The following SINHCAF variants were observed in gnomAD, a reference collection of about 807,000 sequenced individuals.
SINHCAF encodes the protein SIN3-HDAC complex-associated factor.
SINHCAF carries 3 observed loss-of-function variants against 25.8 expected under a neutral mutation model. The ratio of observed to expected loss-of-function variants is 0.12; its 90% confidence interval spans 0.05 to 0.30. The LOEUF is 0.30. SINHCAF is among the 10% of genes least tolerant of loss of function. The probability of loss-of-function intolerance (pLI) is 1.00; values close to 1 mark genes in which losing one functional copy is unlikely to be tolerated. For missense variants in SINHCAF, 121 were observed against 262.3 expected, an observed-to-expected ratio of 0.46 and a Z score of 3.72; for synonymous variants, 70 against 85.5, an observed-to-expected ratio of 0.82 and a Z score of 1.00.
chr12:31,314,194 A>G (rs1172655358), intron 1 of SINHCAF, among the ~76,000 whole-genome samples: 1 of 152,062 alleles, frequency 6.6e-6, no homozygotes, highest in Non-Finnish European at 1.5e-5. Context: ...AGATGGCAGA[A>G]GAAGAAAAAT....
Position 31,324,976 on chromosome 12 carries a change from G to T in SINHCAF, c.-21+1048C>A. 1 of 456,626 alleles carries T rather than the reference G, an allele frequency of 2.2e-6. No homozygotes were observed. The highest frequency in any genetic ancestry group is 4.4e-6 in the Non-Finnish European group (1 of 226,878). The allele number at this position is 456,626 out of a possible 1,614,324, so 28.3% of individuals were successfully genotyped here. On this transcript the variant is annotated intron_variant, in intron 1 of 5. Transcript: ENST00000337682. This position sits in a 1 kb window ranked among gnomAD's most constrained non-coding sequence, Gnocchi z 5.5. ...CGGCCGGACCTGCCCGACGGCGGCC[G>T]CATCCCACGGCTCACGCGGGGCTGG...
intron 4 of SINHCAF, among the ~76,000 whole-genome samples, chr12:31,293,391 T>A (rs1224319797): frequency 6.6e-6 from 1 of 152,220 alleles, no homozygotes; most frequent in Non-Finnish European, 1.5e-5. Flanking sequence ...TTTCAATATG[T>A]GCGTTATGAT....
rs929972610 is a variant in SINHCAF, at chr12:31,324,135, C to T, written c.-21+1889G>A. 9 of 450,808 alleles carry T rather than the reference C, an allele frequency of 2.0e-5. No individual in the cohort carries two copies. The highest frequency in any genetic ancestry group is 1.6e-4 in the African/African-American group (8 of 49,902). The allele number at this position is 450,808 out of a possible 1,614,324, so 27.9% of individuals were successfully genotyped here. On this transcript the variant is annotated intron_variant, in intron 1 of 5. Coordinates refer to ENST00000337682, the MANE Select transcript of SINHCAF (RefSeq NM_001135812.2). The surrounding 1 kb of genome is among the most constrained non-coding windows in gnomAD (Gnocchi z 5.5). ...GGGAGGTGAACCGCGTCGCTCGCCG[C>T]CACCTCCCTCACCTGCGCCGGAACA...
At position 31,299,186 on chromosome 12, in the gene SINHCAF, T is replaced by G. The variant is rs77992258; in HGVS notation, c.-20-962A>C. Among the ~76,000 whole-genome samples, 50 of 152,084 alleles carry G rather than the reference T, an allele frequency of 3.3e-4. 1 individual carries two copies. In the East Asian group the frequency reaches 9.1e-3, roughly 28 times the overall value. On this transcript the variant is annotated intron_variant, in intron 1 of 5. Transcript: ENST00000337682. ...GGCCAGCTCACCAAAACAACCGGACTAAGAGAGGTGATGAAAAGGCAATGA... is the reference window on the plus strand; with the variant it reads ...GGCCAGCTCACCAAAACAACCGGACGAAGAGAGGTGATGAAAAGGCAATGA...
At position 31,325,382 on chromosome 12, in the gene SINHCAF, G is replaced by A. The variant is rs1939929015; in HGVS notation, c.-21+642C>T. 8.0e-6 allele frequency: 3 copies of A among 376,538 alleles called. No homozygotes were observed. Among genetic ancestry groups the A allele is most frequent in the African/African-American group, 4.2e-5 (2 of 47,704 alleles). 23.3% of individuals were successfully genotyped at this position (376,538 alleles called of 1,614,324 possible). A position where few individuals can be genotyped will look rare whatever the true frequency, so the allele number is the denominator to read the frequency against. ...ATCCCTCCGGAGTTGAGCAAACAAC[G>A]CCACGCCGCGTGCGCTCCGGCAGAG... On this transcript the variant is annotated intron_variant, in intron 1 of 5. Coordinates refer to ENST00000337682, the MANE Select transcript of SINHCAF (RefSeq NM_001135812.2). The surrounding 1 kb of genome is among the most constrained non-coding windows in gnomAD (Gnocchi z 5.9).
In SINHCAF at chr12:31,321,936, T is replaced by C. The variant is rs548179391; in HGVS notation, c.-21+4088A>G. 3.3e-5 allele frequency among the ~76,000 whole-genome samples: 5 copies of C among 152,196 alleles called. No homozygotes were observed. In the South Asian group the frequency reaches 1.0e-3, roughly 31 times the overall value. ...AAATTGCTTCTCTGACATAAATATG[T>C]CTGAGTTTGAGCCCTATGAGTCAGG... is the stretch of plus-strand genomic sequence containing the variant. On this transcript the variant is annotated intron_variant, in intron 1 of 5. Coordinates refer to ENST00000337682, the MANE Select transcript of SINHCAF (RefSeq NM_001135812.2).
chr12:31,312,255 G>A (rs1250561607), intron 1 of SINHCAF, among the ~76,000 whole-genome samples: 2 of 152,110 alleles, frequency 1.3e-5, no homozygotes, highest in Admixed American at 1.3e-4. Flanking sequence ...ATAGAATTCC[G>A]TTGTGTGACA....
chr12:31,311,815 C>A, intron 1 of SINHCAF: 1 of 486,910 alleles, frequency 2.1e-6, no homozygotes, highest in South Asian at 1.8e-5. Flanking sequence ...GGTGGTGGGT[C>A]AGACCAAAGA....
intron 1 of SINHCAF, among the ~76,000 whole-genome samples, chr12:31,319,279 A>G (rs1019788475): frequency 2.0e-5 from 3 of 152,228 alleles, no homozygotes; most frequent in Admixed American, 2.0e-4. Context: ...CTGTAATCCC[A>G]GCACTATGGG....
At position 31,280,617 on chromosome 12, in the gene SINHCAF, A is replaced by G. The variant is rs1011932120; in HGVS notation, c.*2095T>C. 6.6e-6 allele frequency: 1 copy of G among 152,560 alleles called. No individual in the cohort carries two copies. The highest frequency in any genetic ancestry group is 2.4e-5 in the African/African-American group (1 of 41,422). The allele number at this position is 152,560 out of a possible 1,614,324, so 9.5% of individuals were successfully genotyped here. ...TCTAGTAAGACTAGATTTATTCAAT[A>G]CCCTAGTAAAAGTTTTGATTATAAG... On this transcript the variant is annotated 3_prime_UTR_variant, in exon 6 of 6. Transcript: ENST00000337682.
intron 2 of SINHCAF, 102 bp from the exon 3 acceptor site, chr12:31,295,435 TA>T: frequency 1.4e-6 from 1 of 727,500 alleles, no homozygotes; most frequent in East Asian, 2.6e-5. Flanking sequence ...GTATGGTTTA[TA>T]GATACAATTT....
intron 1 of SINHCAF, among the ~76,000 whole-genome samples, chr12:31,318,156 C>T (rs760973700): frequency 1.1e-4 from 16 of 152,170 alleles, no homozygotes; most frequent in Non-Finnish European, 1.5e-4. Flanking sequence ...CACAAACGGT[C>T]AACAGGACTA....
chr12:31,300,004 C>A (rs1182420946), intron 1 of SINHCAF, among the ~76,000 whole-genome samples: 2 of 152,176 alleles, frequency 1.3e-5, no homozygotes, highest in African/African-American at 4.8e-5. Flanking sequence ...TCTTTTGGGA[C>A]CACCATCATA....
chr12:31,297,499 A>T (rs1344195793), intron 2 of SINHCAF, among the ~76,000 whole-genome samples: 55 of 116,074 alleles, frequency 4.7e-4, no homozygotes, highest in African/African-American at 1.9e-3. Context: ...TTTGAGACAG[A>T]GTCTCATTCT....
Position 31,283,235 on chromosome 12 carries a change from A to G in SINHCAF, c.507-364T>C, listed in dbSNP as rs922234161. On this transcript the variant is annotated intron_variant, in intron 5 of 5. Coordinates refer to ENST00000337682, the MANE Select transcript of SINHCAF (RefSeq NM_001135812.2). ...TGATGCAGCTAGCAATTTTTTATAT[A>G]TATTTAATTTTTTTTCTTTATCAAC... Among the ~76,000 whole-genome samples, 7 of 152,248 alleles carry G rather than the reference A, an allele frequency of 4.6e-5. No individual in the cohort carries two copies. In the East Asian group the frequency reaches 1.2e-3, roughly 25 times the overall value.
intron 1 of SINHCAF, chr12:31,323,879 C>T: frequency 2.2e-6 from 1 of 446,834 alleles, no homozygotes; most frequent in Admixed American, 2.4e-5. Flanking sequence ...GCTCGCCGCC[C>T]TCACCCGTTT....
chr12:31,311,088 C>T (rs1939247867), intron 1 of SINHCAF, among the ~76,000 whole-genome samples: 1 of 152,086 alleles, frequency 6.6e-6, no homozygotes, highest in African/African-American at 2.4e-5. Context: ...AGGCTGGCCT[C>T]GAACTCCTGA....
At chr12:31,296,884 A>G in intron 2 of SINHCAF, 2 of 320,786 alleles carry the variant, frequency 6.2e-6, no homozygotes, top group East Asian at 1.9e-4. Flanking sequence ...ACAAACGATT[A>G]TATTGCTGAG....
chr12:31,308,794 G>C (rs1442999844), intron 1 of SINHCAF, among the ~76,000 whole-genome samples: 1 of 152,082 alleles, frequency 6.6e-6, no homozygotes, highest in African/African-American at 2.4e-5. Context: ...TAGATGTATA[G>C]GGATGCTTTA....
Sources: gnomAD v4.1 joint callset for allele counts (sites outside exome capture counted in the v4.1 genomes callset) on GRCh38, gnomAD v4.1.1 for gene constraint, Gnocchi (gnomAD v3.1) non-coding constraint, MANE v1.5 for transcripts, NCBI Gene and HGNC (gene_info 2026-07-23, HGNC 2026-07-21) for gene names.